NSUN6: variants seen among roughly 807,000 people sequenced by gnomAD.
The protein encoded by NSUN6 is tRNA (cytosine(72)-C(5))-methyltransferase NSUN6.
NSUN6 carries 64 observed loss-of-function variants against 58.0 expected under a neutral mutation model. The ratio of observed to expected loss-of-function variants is 1.10; its 90% confidence interval spans 0.90 to 1.36. NSUN6 has a LOEUF of 1.36. Ranked by LOEUF, NSUN6 falls within the 40% of genes most tolerant of loss-of-function variation. The probability of loss-of-function intolerance (pLI) is 0.00; values close to 1 mark genes in which losing one functional copy is unlikely to be tolerated. For synonymous variants in NSUN6, 231 were observed against 193.9 expected (o/e 1.19, Z -1.59); for missense variants, 701 against 550.1 (o/e 1.27, Z -2.74).
intron 7 of NSUN6, among the ~76,000 whole-genome samples, chr10:18,587,556 C>T (rs989832632): frequency 3.3e-5 from 5 of 152,018 alleles, no homozygotes; most frequent in Admixed American, 6.6e-5. Flanking sequence ...CAATGCAGAA[C>T]GTGAGTGATT....
chr10:18,643,777 T>G (rs1436910273), intron 2 of NSUN6, among the ~76,000 whole-genome samples: 1 of 152,220 alleles, frequency 6.6e-6, no homozygotes, highest in East Asian at 1.9e-4. Flanking sequence ...GAACTTTGAT[T>G]TTTGTTTTGT....
chr10:18,651,402 T>G lies in NSUN6; in HGVS notation c.-199A>C. On this transcript the variant is annotated 5_prime_UTR_variant, in exon 1 of 11. Transcript: ENST00000377304. ...AGCCGATTAGAAGGGGCTGCCGGGC[T>G]TCCACCACACCTCATCGAGGCAATG... 1 of 1,288,984 alleles carries G rather than the reference T, an allele frequency of 7.8e-7. No homozygotes were observed. Among genetic ancestry groups the G allele is most frequent in the Non-Finnish European group, 9.8e-7 (1 of 1,020,708 alleles). The allele number at this position is 1,288,984 out of a possible 1,614,324, so 79.8% of individuals were successfully genotyped here.
intron 7 of NSUN6, among the ~76,000 whole-genome samples, chr10:18,588,259 GC>G (rs932991556): frequency 1.8e-4 from 27 of 152,174 alleles, no homozygotes; most frequent in African/African-American, 6.5e-4. Flanking sequence ...CAGGCAGCAG[GC>G]CCACTCAGGG....
chr10:18,589,058 T>G (rs2057280655), intron 7 of NSUN6, among the ~76,000 whole-genome samples: 1 of 151,894 alleles, frequency 6.6e-6, no homozygotes, highest in Non-Finnish European at 1.5e-5. Context: ...AAATAACCAG[T>G]TTAGAGAGGA....
chr10:18,548,542 G>A (rs756678352), intron 9 of NSUN6, among the ~76,000 whole-genome samples: 5 of 152,066 alleles, frequency 3.3e-5, no homozygotes, highest in Admixed American at 1.3e-4. Context: ...TACATTTTTA[G>A]GCCACATCAA....
intron 8 of NSUN6, among the ~76,000 whole-genome samples, chr10:18,557,414 A>AGAATGGAATGGAATGGAGAATG (rs1279027855): frequency 2.0e-5 from 3 of 150,508 alleles, no homozygotes; most frequent in African/African-American, 7.3e-5. Flanking sequence ...AATGGAATGG[A>AGAATGGAATGGAATGGAGAATG]GAATGGAATG....
chr10:18,551,639 G>A (rs2054609929), intron 9 of NSUN6, 184 bp downstream of exon 9: 1 of 442,408 alleles, frequency 2.3e-6, no homozygotes, highest in African/African-American at 2.0e-5. Context: ...CCCTTTGAAG[G>A]CTGAATAATG....
rs191175242 is a variant in NSUN6, at chr10:18,553,252, T to A, written c.923-1281A>T. Among the ~76,000 whole-genome samples the A allele has an allele frequency of 3.8e-3, 575 of 152,020 alleles. 5 individuals carry two copies. Among genetic ancestry groups the A allele is most frequent in the African/African-American group, 0.013 (525 of 41,536 alleles). ...CATTCGATTCCATTTCATTCTCCAT[T>A]CCATTCCATCCTCCATACCATTCCA... On this transcript the variant is annotated intron_variant, in intron 8 of 10. Coordinates refer to ENST00000377304, the MANE Select transcript of NSUN6 (RefSeq NM_182543.5).
intron 8 of NSUN6, among the ~76,000 whole-genome samples, chr10:18,554,519 G>A (rs1315105065): frequency 2.0e-5 from 3 of 150,866 alleles, no homozygotes; most frequent in Admixed American, 6.6e-5. Flanking sequence ...CAATCGGAAC[G>A]TGGAATGCAG....
chr10:18,590,269 G>C (rs761399536), intron 7 of NSUN6, among the ~76,000 whole-genome samples: 3 of 152,174 alleles, frequency 2.0e-5, no homozygotes, highest in Non-Finnish European at 4.4e-5. Context: ...CAAGTTCTTA[G>C]AGACCTACAA....
intron 5 of NSUN6, among the ~76,000 whole-genome samples, chr10:18,612,518 T>C (rs547070610): frequency 2.0e-5 from 3 of 152,310 alleles, no homozygotes; most frequent in Non-Finnish European, 4.4e-5. Context: ...TTGAATTCCA[T>C]AGTCTGATCA....
At chr10:18,580,058 T>C (rs2056837347) in intron 8 of NSUN6, among the ~76,000 whole-genome samples, 1 of 152,162 alleles carries the variant, frequency 6.6e-6, no homozygotes, top group Admixed American at 6.5e-5. Flanking sequence ...AGGTGGTGTG[T>C]AATTTAGGAA....
At chr10:18,627,069 T>A (rs1209010065) in intron 3 of NSUN6, among the ~76,000 whole-genome samples, 1 of 152,198 alleles carries the variant, frequency 6.6e-6, no homozygotes, top group Admixed American at 6.5e-5. Flanking sequence ...GGCTCTTTTA[T>A]CAAGACAAGT....
chr10:18,574,081 C>T (rs1248986260), intron 8 of NSUN6, among the ~76,000 whole-genome samples: 1 of 152,052 alleles, frequency 6.6e-6, no homozygotes, highest in Non-Finnish European at 1.5e-5. Context: ...TTAATGTGGA[C>T]AGTGGAGTAG....
At chr10:18,592,322 T>C (rs998322730) in intron 7 of NSUN6, among the ~76,000 whole-genome samples, 2 of 152,182 alleles carry the variant, frequency 1.3e-5, no homozygotes, top group African/African-American at 4.8e-5. Context: ...CTCAACGGTA[T>C]TTCCATCAAG....
intron 8 of NSUN6, among the ~76,000 whole-genome samples, chr10:18,580,171 C>G (rs930441654): frequency 2.0e-5 from 3 of 152,136 alleles, no homozygotes; most frequent in Non-Finnish European, 4.4e-5. Flanking sequence ...CCCTTTGAAG[C>G]CTCTGGAAAA....
At chr10:18,642,454 T>G in intron 3 of NSUN6, 22 bp downstream of exon 3, 1 of 1,168,758 alleles carries the variant, frequency 8.6e-7, no homozygotes, top group Admixed American at 1.7e-5. Flanking sequence ...TAATATAATT[T>G]GGAAATGAAG....
intron 3 of NSUN6, among the ~76,000 whole-genome samples, chr10:18,622,410 G>A (rs1213761021): frequency 2.6e-5 from 4 of 152,130 alleles, no homozygotes; most frequent in Non-Finnish European, 4.4e-5. Flanking sequence ...GAGTGACAAG[G>A]CAACTACAAA....
intron 8 of NSUN6, among the ~76,000 whole-genome samples, chr10:18,560,665 G>A (rs1278846967): frequency 2.7e-5 from 4 of 146,008 alleles, no homozygotes; most frequent in African/African-American, 1.0e-4. Flanking sequence ...AATGGAGAAT[G>A]GAGAATGGAA....
Sources: gnomAD v4.1 joint callset for allele counts (sites outside exome capture counted in the v4.1 genomes callset) on GRCh38, gnomAD v4.1.1 for gene constraint, MANE v1.5 for transcripts, NCBI Gene and HGNC (gene_info 2026-07-23, HGNC 2026-07-21) for gene names.